Variants in RAB3IL1 observed in about 807,000 individuals in gnomAD.
RAB3IL1 encodes the protein RAB3A interacting protein like 1.
In RAB3IL1, 37 loss-of-function variants were observed where a neutral mutation model predicts 49.2. That is an observed-to-expected ratio of 0.75 (90% CI 0.58 to 0.99). The LOEUF (loss-of-function observed/expected upper bound fraction) is 0.99. Ranked by LOEUF, RAB3IL1 falls within the 50% of genes least tolerant of loss-of-function variation. The probability of loss-of-function intolerance (pLI) is 0.00; values close to 1 mark genes in which losing one functional copy is unlikely to be tolerated. For synonymous variants in RAB3IL1, 193 were observed against 213.9 expected, an observed-to-expected ratio of 0.90 and a Z score of 0.85; for missense variants, 484 against 513.0, an observed-to-expected ratio of 0.94 and a Z score of 0.55.
chr11:61,931,445 C>A, the RAB3IL1 span, among the ~76,000 whole-genome samples: 5 of 152,170 alleles, frequency 3.3e-5, no homozygotes, highest in Non-Finnish European at 7.3e-5. Flanking sequence ...TGTTACCCAA[C>A]AAAATATCCA....
the RAB3IL1 span, among the ~76,000 whole-genome samples, chr11:61,931,009 A>C: frequency 6.6e-6 from 1 of 152,186 alleles, no homozygotes; most frequent in Non-Finnish European, 1.5e-5. Flanking sequence ...GATGTCAACA[A>C]ATGTCTCTGA....
chr11:61,898,972 G>C lies in RAB3IL1; in HGVS notation c.1066+342C>G, dbSNP rs1410715400. On this transcript the variant is annotated intron_variant, in intron 9 of 9. Coordinates refer to ENST00000394836, the MANE Select transcript of RAB3IL1 (RefSeq NM_013401.4). The surrounding 1 kb of genome is among the most constrained non-coding windows in gnomAD (Gnocchi z 5.1). ...GTGGAGGGAGGCCCTGTCCAGCATG[G>C]AGTGGAGTGGGAGCAAAGGCTGGAG... is the stretch of plus-strand genomic sequence containing the variant. 1 of 511,944 alleles carries C rather than the reference G, an allele frequency of 2.0e-6. No individual in the cohort carries two copies. The highest frequency in any genetic ancestry group is 3.8e-6 in the Non-Finnish European group (1 of 265,008). 31.7% of individuals were successfully genotyped at this position (511,944 alleles called of 1,614,324 possible).
chr11:61,898,296 G>A lies in RAB3IL1; in HGVS notation c.1131C>T (p.Phe377=), dbSNP rs1188098611. ...CCGCGCCCTAAGCCTCCTGGGGGAA[G>A]AAGCCGAGCTTGGCCAGTGACATCT... ...RKEMSLAKLG[F]FPQEA is the part of the protein sequence containing the mutation. The change falls in exon 10 of 10, where the codon TTC becomes TTT. Residue 377 remains phenylalanine, a synonymous_variant. Coordinates refer to ENST00000394836, the MANE Select transcript of RAB3IL1 (RefSeq NM_013401.4). The surrounding 1 kb of genome is among the most constrained non-coding windows in gnomAD (Gnocchi z 5.1). 1.9e-6 allele frequency: 3 copies of A among 1,613,326 alleles called. No homozygotes were observed. Among genetic ancestry groups the A allele is most frequent in the Non-Finnish European group, 2.5e-6 (3 of 1,179,998 alleles).
At chr11:61,902,764 C>A (rs1327232907) in intron 7 of RAB3IL1, among the ~76,000 whole-genome samples, 1 of 152,210 alleles carries the variant, frequency 6.6e-6, no homozygotes, top group Non-Finnish European at 1.5e-5. Flanking sequence ...ACCCCTAGAA[C>A]CCTTGTTTTG....
intron 2 of RAB3IL1, 148 bp from the exon 3 acceptor site, chr11:61,907,808 G>A: frequency 1.1e-6 from 1 of 916,210 alleles, no homozygotes; most frequent in Non-Finnish European, 1.6e-6. Flanking sequence ...AGTTTGTGAT[G>A]CTTTTTCCGT....
the RAB3IL1 span, among the ~76,000 whole-genome samples, chr11:61,927,428 T>C: frequency 7.2e-5 from 11 of 152,250 alleles, 1 homozygote; most frequent in East Asian, 2.1e-3. Flanking sequence ...ATAGGGGAAG[T>C]GCAAAGTCGT....
chr11:61,901,010 C>T (rs367798856), intron 8 of RAB3IL1, among the ~76,000 whole-genome samples: 11 of 152,000 alleles, frequency 7.2e-5, no homozygotes, highest in African/African-American at 2.2e-4. Context: ...GCCCTGAACA[C>T]ACCCCTTTCC....
the RAB3IL1 span, among the ~76,000 whole-genome samples, chr11:61,939,212 A>G: frequency 6.6e-6 from 1 of 152,192 alleles, no homozygotes; most frequent in South Asian, 2.1e-4. Context: ...GAATGAAATT[A>G]GAAATAACAG....
rs746722994 is a variant in RAB3IL1, at chr11:61,906,251, C to T, written c.657+215G>A. 2.6e-5 allele frequency among the ~76,000 whole-genome samples: 4 copies of T among 152,128 alleles called. No homozygotes were observed. Among genetic ancestry groups the T allele is most frequent in the Non-Finnish European group, 4.4e-5 (3 of 68,000 alleles). ...GTGGGGCAGGGAGGGGGCCTCAGGT[C>T]CCCAGATGGTATACCCTGGAGGCTG... On this transcript the variant is annotated intron_variant, in intron 5 of 9. Transcript: ENST00000394836. This position sits in a 1 kb window ranked among gnomAD's most constrained non-coding sequence, Gnocchi z 4.6.
chr11:61,914,356 C>T lies in RAB3IL1; in HGVS notation c.11+3001G>A, dbSNP rs546628001. On this transcript the variant is annotated intron_variant, in intron 1 of 9. Transcript: ENST00000394836. Reference sequence around the variant, plus strand: ...CTCTCTAGCCATAGGTATGATGAGCCCCGTCTCTGGGGAAACTGAGACCAG... The same window carrying T: ...CTCTCTAGCCATAGGTATGATGAGCTCCGTCTCTGGGGAAACTGAGACCAG... Among the ~76,000 whole-genome samples the T allele has an allele frequency of 2.6e-5, 4 of 152,336 alleles. No homozygotes were observed. In the East Asian group the frequency reaches 5.8e-4, roughly 22 times the overall value.
intron 8 of RAB3IL1, among the ~76,000 whole-genome samples, chr11:61,901,008 C>T (rs1161493886): frequency 6.6e-6 from 1 of 151,866 alleles, no homozygotes; most frequent in Non-Finnish European, 1.5e-5. Context: ...TGGCCCTGAA[C>T]ACACCCCTTT....
At chr11:61,917,090 T>C (rs550265128) in intron 1 of RAB3IL1, among the ~76,000 whole-genome samples, 1 of 152,178 alleles carries the variant, frequency 6.6e-6, no homozygotes, top group South Asian at 2.1e-4. Flanking sequence ...CTCTTCTCAC[T>C]TGCGCTCCTG....
At chr11:61,918,006 C>T (rs1275449733), upstream of RAB3IL1, among the ~76,000 whole-genome samples, 2 of 152,170 alleles carry the variant, frequency 1.3e-5, no homozygotes, top group Non-Finnish European at 1.5e-5. Context: ...TTTTCTGAGT[C>T]CTACTCTCTG....
upstream of RAB3IL1, chr11:61,917,575 G>A (rs1939762297): frequency 3.7e-6 from 4 of 1,077,462 alleles, no homozygotes; most frequent in Non-Finnish European, 4.5e-6. Flanking sequence ...ACGTGGCGGA[G>A]GGGGGAGCGG....
the RAB3IL1 span, chr11:61,945,883 G>A: frequency 3.1e-5 from 27 of 882,726 alleles, no homozygotes; most frequent in Non-Finnish European, 3.5e-5. Context: ...CTATTCCGTT[G>A]TCATGGGCAG....
chr11:61,928,303 G>C, the RAB3IL1 span, among the ~76,000 whole-genome samples: 1 of 152,180 alleles, frequency 6.6e-6, no homozygotes, highest in East Asian at 1.9e-4. Flanking sequence ...TTGGCCAGGA[G>C]GGAGGTTGGG....
At chr11:61,920,105 C>T (rs1317269561), upstream of RAB3IL1, 7 of 1,341,410 alleles carry the variant, frequency 5.2e-6, no homozygotes, top group East Asian at 8.6e-5. Context: ...CCTGATGGGG[C>T]GTAGCGGACA....
upstream of RAB3IL1, among the ~76,000 whole-genome samples, chr11:61,920,454 G>A (rs187943834): frequency 7.4e-6 from 1 of 135,566 alleles, no homozygotes; most frequent in Admixed American, 7.6e-5. Context: ...GACACCTCTA[G>A]GGGAGGCCCC....
intron 7 of RAB3IL1, among the ~76,000 whole-genome samples, chr11:61,903,298 GCT>G (rs1304181410): frequency 5.9e-5 from 9 of 152,034 alleles, no homozygotes; most frequent in Admixed American, 3.3e-4. Context: ...CTGCCTCATC[GCT>G]CTCTTTCTTC....
Sources: gnomAD v4.1 joint callset for allele counts (sites outside exome capture counted in the v4.1 genomes callset) on GRCh38, gnomAD v4.1.1 for gene constraint, Gnocchi (gnomAD v3.1) non-coding constraint, MANE v1.5 for transcripts, NCBI Gene and HGNC (gene_info 2026-07-23, HGNC 2026-07-21) for gene names.